Variants in SLC1A6 observed in about 807,000 individuals in gnomAD.
The protein encoded by SLC1A6 is solute carrier family 1 member 6.
A neutral mutation model predicts 42.1 loss-of-function variants in SLC1A6; 15 were observed. That is an observed-to-expected ratio of 0.36 (90% CI 0.24 to 0.55). The LOEUF is 0.55. SLC1A6 is among the 20% of genes least tolerant of loss of function. SLC1A6 has a pLI of 0.88. For synonymous variants in SLC1A6, 317 were observed against 319.7 expected (o/e 0.99, Z 0.09); for missense variants, 542 against 772.5 (o/e 0.70, Z 3.54).
At chr19:14,972,088 G>A (rs139031032) in intron 2 of SLC1A6, among the ~76,000 whole-genome samples, 189 of 145,046 alleles carry the variant, frequency 1.3e-3, no homozygotes, top group Middle Eastern at 6.9e-3. Flanking sequence ...ATGTGTGTCC[G>A]TGTCTGTGCA....
At chr19:15,008,021 G>GCCC (rs35846384) in intron 1 of SLC1A6, among the ~76,000 whole-genome samples, 5 of 120,816 alleles carry the variant, frequency 4.1e-5, no homozygotes, top group African/African-American at 1.6e-4. Flanking sequence ...TCAAAAGTCT[G>GCCC]CCCCCCCCCC....
At chr19:14,990,294 G>A (rs1200362673) in intron 1 of SLC1A6, among the ~76,000 whole-genome samples, 1 of 152,104 alleles carries the variant, frequency 6.6e-6, no homozygotes, top group Non-Finnish European at 1.5e-5. Flanking sequence ...TGAACCTGGA[G>A]AACATTATGT....
intron 6 of SLC1A6, among the ~76,000 whole-genome samples, chr19:14,960,101 G>A (rs1030355371): frequency 1.2e-4 from 18 of 145,782 alleles, no homozygotes; most frequent in African/African-American, 4.3e-4. Flanking sequence ...AAGTAATAAA[G>A]GAATCTAGAG....
chr19:14,995,355 AAGAAAGAAAGAAAAGGG>A (rs1218034241), intron 1 of SLC1A6, among the ~76,000 whole-genome samples: 1,997 of 137,034 alleles, frequency 0.015, 87 homozygotes, highest in African/African-American at 0.043. Context: ...GAAAGAAAGA[AAGAAAGAAAGAAAAGGG>A]AAGGGAAGGG....
intron 1 of SLC1A6, chr19:14,973,597 T>C (rs1383786465): frequency 6.5e-6 from 1 of 152,830 alleles, no homozygotes; most frequent in East Asian, 1.9e-4. Context: ...TAATGGACCT[T>C]TTTGACACAC....
intron 3 of SLC1A6, among the ~76,000 whole-genome samples, chr19:14,968,965 G>A (rs935545826): frequency 1.3e-5 from 2 of 151,848 alleles, no homozygotes; most frequent in African/African-American, 4.8e-5. Flanking sequence ...TCAGCCTTCC[G>A]AGTGGCTGGG....
chr19:14,990,153 A>C (rs2045812582), intron 1 of SLC1A6, among the ~76,000 whole-genome samples: 1 of 152,140 alleles, frequency 6.6e-6, no homozygotes, highest in African/African-American at 2.4e-5. Context: ...TATTCACAAC[A>C]GTCAAGATAT....
intron 9 of SLC1A6, among the ~76,000 whole-genome samples, chr19:14,952,279 A>G (rs1029925265): frequency 6.6e-6 from 1 of 151,592 alleles, no homozygotes. Context: ...ATCTCAAAAA[A>G]AAAAAAAATA....
Position 14,971,759 on chromosome 19 carries a change from G to A in SLC1A6, c.321C>T (p.Leu107=), listed in dbSNP as rs1484621564. 1 of 1,614,000 alleles carries A rather than the reference G, an allele frequency of 6.2e-7. No individual in the cohort carries two copies. Among genetic ancestry groups the A allele is most frequent in the Non-Finnish European group, 8.5e-7 (1 of 1,179,992 alleles). ...MRMLQMLVLP[L]IVSSLVTGMA... ...CACCTGTGACCAGGCTGGAGACAATGAGAGGTAACACCAGCATCTGCAGCA... is the reference window on the plus strand; with the variant it reads ...CACCTGTGACCAGGCTGGAGACAATAAGAGGTAACACCAGCATCTGCAGCA... Residue 107 remains leucine (L), a synonymous_variant, in exon 3 of 10, where the codon CTC becomes CTT. Transcript: ENST00000594383.
At chr19:15,008,031 CA>C (rs1234393695) in intron 1 of SLC1A6, among the ~76,000 whole-genome samples, 5,529 of 79,356 alleles carry the variant, frequency 0.07, 370 homozygotes, top group African/African-American at 0.21. Context: ...GCCCCCCCCC[CA>C]AAAAAAAACC....
chr19:14,952,987 A>G lies in SLC1A6; in HGVS notation c.1440T>C (p.Leu480=). The change falls in exon 9 of 10, where the codon CTT becomes CTC. Residue 480 remains leucine (L), a synonymous_variant. Coordinates refer to ENST00000594383, the MANE Select transcript of SLC1A6 (RefSeq NM_005071.3). ...QAGLVTMVIV[L]TSVGLPTEDI... is the part of the protein sequence containing the mutation. The stretch of plus-strand genomic sequence containing the variant: ...CTTCCGTGGGCAAGCCGACCGACGT[A>G]AGCACAATGACCATGGTGACCAGAC... 1 of 1,614,016 alleles carries G rather than the reference A, an allele frequency of 6.2e-7. No homozygotes were observed. The highest frequency in any genetic ancestry group is 2.2e-5 in the East Asian group (1 of 44,858).
chr19:14,955,997 T>C (rs1336212960), intron 7 of SLC1A6, among the ~76,000 whole-genome samples: 1 of 152,142 alleles, frequency 6.6e-6, no homozygotes, highest in Non-Finnish European at 1.5e-5. Context: ...CAAATTTGTT[T>C]TTGAATTGGG....
rs2145236424 is a variant in SLC1A6, at chr19:14,996,181, G to A, written c.6+14304C>T. Among the ~76,000 whole-genome samples the A allele has an allele frequency of 1.3e-5, 2 of 152,284 alleles. 1 individual carries two copies. Among genetic ancestry groups the A allele is most frequent in the South Asian group, 4.1e-4 (2 of 4,820 alleles). On this transcript the variant is annotated intron_variant, in intron 1 of 8. Transcript: ENST00000430939. ...CATGAATAAACCTTGAGGACAGTGG[G>A]CTAAGTGAAAGAAGCCAAATGCAAA... is the stretch of plus-strand genomic sequence containing the variant.
intron 9 of SLC1A6, among the ~76,000 whole-genome samples, chr19:14,950,711 C>A (rs1258664566): frequency 1.3e-5 from 2 of 151,996 alleles, no homozygotes; most frequent in Admixed American, 6.6e-5. Context: ...GGCTGACAGG[C>A]AGAAGAATTG....
chr19:14,967,773 T>C (rs545945432), intron 4 of SLC1A6, among the ~76,000 whole-genome samples: 3 of 152,222 alleles, frequency 2.0e-5, no homozygotes, highest in African/African-American at 7.2e-5. Flanking sequence ...ACTCATCAGC[T>C]CACAGACAAG....
intron 1 of SLC1A6, among the ~76,000 whole-genome samples, chr19:15,010,013 AC>A (rs1486491633): frequency 4.5e-5 from 2 of 44,566 alleles, no homozygotes; most frequent in East Asian, 2.6e-3. Context: ...CCCCGTCTCT[AC>A]TAAAAAAAAA....
At chr19:14,971,052 C>T (rs1223043300) in intron 3 of SLC1A6, among the ~76,000 whole-genome samples, 1 of 152,132 alleles carries the variant, frequency 6.6e-6, no homozygotes, top group African/African-American at 2.4e-5. Context: ...ATTGCTTGAA[C>T]CTGGGAGGTG....
Position 14,964,218 on chromosome 19 carries a change from C to A in SLC1A6, c.591+101G>T. 3 of 948,520 alleles carry A rather than the reference C, an allele frequency of 3.2e-6. 1 individual carries two copies. In the South Asian group the frequency reaches 3.9e-5, roughly 12 times the overall value. 58.8% of individuals were successfully genotyped at this position (948,520 alleles called of 1,614,324 possible). ...CAAGAACCCCTGCCCATTGCTCTGT[C>A]AGGCCCTTCCTCCCGCCTCTTGCCC... On this transcript the variant is annotated intron_variant, in intron 5 of 9. Coordinates refer to ENST00000594383, the MANE Select transcript of SLC1A6 (RefSeq NM_005071.3).
chr19:14,971,663 A>G, intron 3 of SLC1A6, 74 bp downstream of exon 3: 1 of 1,465,622 alleles, frequency 6.8e-7, no homozygotes, highest in African/African-American at 1.4e-5. Context: ...CATGCTTGGG[A>G]TGGCCTTGGC....
Sources: allele counts gnomAD v4.1 joint callset (sites outside exome capture counted in the v4.1 genomes callset), GRCh38; gene constraint gnomAD v4.1.1; transcripts MANE v1.5; gene names NCBI Gene and HGNC (gene_info 2026-07-23, HGNC 2026-07-21).